Variants in CCL28 observed in about 807,000 individuals in gnomAD.
CCL28 encodes the protein C-C motif chemokine 28.
CCL28 carries 4 observed loss-of-function variants against 7.1 expected under a neutral mutation model. The observed-to-expected ratio is 0.56, with a 90% CI of 0.28 to 1.29. The LOEUF is 1.29. Among genes scored for constraint, CCL28 ranks in the 50% most tolerant of loss-of-function variants. The pLI is 0.11. For missense variants in CCL28, 151 were observed against 163.4 expected (o/e 0.92, Z 0.41); for synonymous variants, 55 against 57.8 (o/e 0.95, Z 0.22).
Position 43,404,868 on chromosome 5 carries a change from G to A in CCL28, c.64+7385C>T, listed in dbSNP as rs146932032. Among the ~76,000 whole-genome samples, 485 of 152,284 alleles carry A rather than the reference G, an allele frequency of 3.2e-3. 13 individuals are homozygous for A. Among genetic ancestry groups the A allele is most frequent in the Middle Eastern group, 0.017 (5 of 294 alleles). ...AAACAGGGTTGCAATCCTAGTCTCT[G>A]ATAAGACAGACTTTAAACCAACAAA... On this transcript the variant is annotated intron_variant, in intron 1 of 2. Transcript: ENST00000361115.
chr5:43,393,121 T>C (rs1046833337), intron 1 of CCL28, among the ~76,000 whole-genome samples: 4 of 152,166 alleles, frequency 2.6e-5, no homozygotes, highest in Admixed American at 1.3e-4. Context: ...GTAAATGAAA[T>C]TTTTTTCTCC....
intron 2 of CCL28, among the ~76,000 whole-genome samples, chr5:43,385,397 TATTA>T (rs1740298989): frequency 6.6e-6 from 1 of 152,250 alleles, no homozygotes; most frequent in Non-Finnish European, 1.5e-5. Flanking sequence ...CGTTGACTTA[TATTA>T]ATTAATTGTT....
At chr5:43,384,238 A>C (rs947016397) in intron 2 of CCL28, among the ~76,000 whole-genome samples, 1 of 152,192 alleles carries the variant, frequency 6.6e-6, no homozygotes, top group African/African-American at 2.4e-5. Context: ...AGAGAACCAG[A>C]TGGAAGAGAT....
intron 2 of CCL28, among the ~76,000 whole-genome samples, chr5:43,386,238 T>A (rs1292353286): frequency 6.6e-6 from 1 of 152,246 alleles, no homozygotes; most frequent in Non-Finnish European, 1.5e-5. Context: ...ACGCATTGTC[T>A]ATGAATTTTT....
downstream of CCL28, among the ~76,000 whole-genome samples, chr5:43,373,603 C>G (rs1254953105): frequency 1.3e-5 from 2 of 152,108 alleles, no homozygotes; most frequent in Non-Finnish European, 2.9e-5. Flanking sequence ...CCCGGACTAA[C>G]ACTTGATATT....
the CCL28 span, among the ~76,000 whole-genome samples, chr5:43,365,236 C>T: frequency 1.3e-5 from 2 of 152,084 alleles, no homozygotes; most frequent in African/African-American, 2.4e-5. Flanking sequence ...ATCTCCTGAC[C>T]TTGTGATCCA....
chr5:43,358,216 T>G, the CCL28 span, among the ~76,000 whole-genome samples: 1 of 152,306 alleles, frequency 6.6e-6, no homozygotes, highest in Non-Finnish European at 1.5e-5. Flanking sequence ...TACAAAAAAT[T>G]TAGTTGAAAT....
downstream of CCL28, among the ~76,000 whole-genome samples, chr5:43,374,735 C>T (rs888153179): frequency 2.6e-4 from 38 of 146,592 alleles, no homozygotes; most frequent in Non-Finnish European, 5.2e-4. Context: ...GAGCCGAGAT[C>T]GAGCCACTGC....
At chr5:43,382,287 T>C (rs1196453907) in intron 2 of CCL28, among the ~76,000 whole-genome samples, 1 of 150,824 alleles carries the variant, frequency 6.6e-6, no homozygotes, top group Non-Finnish European at 1.5e-5. Context: ...TCAGAGAGTA[T>C]TAAAAGAAAG....
chr5:43,358,141 T>G, the CCL28 span, among the ~76,000 whole-genome samples: 1 of 152,168 alleles, frequency 6.6e-6, no homozygotes, highest in African/African-American at 2.4e-5. Context: ...TTCCCCAACT[T>G]CCACAGCGTG....
At chr5:43,382,868 G>A (rs1263048223) in intron 2 of CCL28, among the ~76,000 whole-genome samples, 3 of 151,900 alleles carry the variant, frequency 2.0e-5, no homozygotes, top group Non-Finnish European at 4.4e-5. Context: ...ACCCAGGCTG[G>A]AGTGCAATGG....
chr5:43,387,631 G>T (rs907333226), intron 2 of CCL28, among the ~76,000 whole-genome samples: 1 of 152,028 alleles, frequency 6.6e-6, no homozygotes, highest in African/African-American at 2.4e-5. Context: ...TTGTTGTTGT[G>T]GTGGTGGTGG....
chr5:43,363,687 GT>G, the CCL28 span, among the ~76,000 whole-genome samples: 1 of 152,140 alleles, frequency 6.6e-6, no homozygotes. Context: ...GACTTCAGGG[GT>G]TTACCCTGAC....
At position 43,412,253 on chromosome 5, in the gene CCL28, C is replaced by T. The variant is rs200938945; in HGVS notation, c.64G>A (p.Ala22Thr). Residue 22 changes from alanine to threonine, a missense_variant and splice_region_variant, in exon 1 of 3, where the codon GCC (alanine) becomes ACC (threonine). Physicochemically the swap from Ala to Thr is moderately conservative, Grantham distance 58. Transcript: ENST00000361115. ...CTAAGTGTCCAGTGCCCCCACTCACCTTCTGAGGCATGTAGGGCCGCACAG... is the reference window on the plus strand; with the variant it reads ...CTAAGTGTCCAGTGCCCCCACTCACTTTCTGAGGCATGTAGGGCCGCACAG... ...AVCAALHASE[A>T]ILPIASSCCT... 10 of 1,611,174 alleles carry T rather than the reference C, an allele frequency of 6.2e-6. No homozygotes were observed. The highest frequency in any genetic ancestry group is 1.7e-5 in the Admixed American group (1 of 59,850).
intron 1 of CCL28, chr5:43,397,196 C>A (rs934798831): frequency 6.6e-6 from 1 of 152,318 alleles, no homozygotes; most frequent in Non-Finnish European, 1.5e-5. Flanking sequence ...CGCACGTCGC[C>A]CGCAGGCGCA....
intron 1 of CCL28, among the ~76,000 whole-genome samples, chr5:43,399,361 T>C (rs1362146384): frequency 1.3e-5 from 2 of 152,210 alleles, no homozygotes; most frequent in Non-Finnish European, 2.9e-5. Flanking sequence ...TTTCTTCCAA[T>C]TTTGTCATTT....
chr5:43,387,987 C>A, intron 2 of CCL28: 1 of 168,150 alleles, frequency 5.9e-6, no homozygotes, highest in Non-Finnish European at 1.3e-5. Context: ...GACAGCAACC[C>A]ATATACTAAA....
intron 1 of CCL28, among the ~76,000 whole-genome samples, chr5:43,400,845 G>A (rs141282888): frequency 1.1e-3 from 162 of 152,296 alleles, no homozygotes; most frequent in African/African-American, 3.4e-3. Flanking sequence ...AGCACTTTGG[G>A]AGGCCGAGGT....
At chr5:43,394,582 C>T (rs1243492183) in intron 1 of CCL28, among the ~76,000 whole-genome samples, 1 of 152,032 alleles carries the variant, frequency 6.6e-6, no homozygotes, top group East Asian at 1.9e-4. Context: ...TTTAAAAATA[C>T]TTTTTTCTAA....
Sources: allele counts gnomAD v4.1 joint callset (sites outside exome capture counted in the v4.1 genomes callset), GRCh38; gene constraint gnomAD v4.1.1; transcripts MANE v1.5; gene names NCBI Gene and HGNC (gene_info 2026-07-23, HGNC 2026-07-21).